The following RUFY1 variants were observed in gnomAD, a reference collection of about 807,000 sequenced individuals.
The protein encoded by RUFY1 is RUN and FYVE domain-containing protein 1.
In RUFY1, 54 loss-of-function variants were observed where a neutral mutation model predicts 94.6. The observed-to-expected ratio is 0.57, with a 90% CI of 0.46 to 0.72. The LOEUF (loss-of-function observed/expected upper bound fraction) is 0.72, where lower values mean the gene tolerates loss of function less well. Ranked by LOEUF, RUFY1 falls within the 30% of genes least tolerant of loss-of-function variation. The pLI is 0.00. For missense variants in RUFY1, 883 were observed against 883.9 expected (o/e 1.00, Z 0.01); for synonymous variants, 396 against 347.3 (o/e 1.14, Z -1.56).
At chr5:179,557,644 C>T (rs940658756) in intron 1 of RUFY1, among the ~76,000 whole-genome samples, 6 of 152,120 alleles carry the variant, frequency 3.9e-5, no homozygotes, top group Non-Finnish European at 8.8e-5. Context: ...AGTTTGGGCT[C>T]ATTTAATTTA....
rs116032042 is a variant in RUFY1, at chr5:179,590,417, C to T, written c.1128+770C>T. On this transcript the variant is annotated intron_variant, in intron 9 of 17. Transcript: ENST00000319449. ...ATTCACTCAGTGCTAAAAACATGTT[C>T]ATAAGTACTGGATGATGAGTTGAAT... Among the ~76,000 whole-genome samples the T allele has an allele frequency of 9.6e-3, 1,454 of 151,822 alleles. 31 individuals are homozygous for T. Among genetic ancestry groups the T allele is most frequent in the African/African-American group, 0.033 (1,377 of 41,416 alleles).
At chr5:179,609,295 G>C (rs1472233828) in intron 17 of RUFY1, 81 bp from the exon 18 acceptor site, 2 of 1,457,782 alleles carry the variant, frequency 1.4e-6, no homozygotes, top group Admixed American at 3.7e-5. Context: ...CAAATGATGC[G>C]CTTCTGGGTC....
chr5:179,607,799 C>T lies in RUFY1; in HGVS notation c.1983+140C>T, dbSNP rs184945093. On this transcript the variant is annotated intron_variant, in intron 17 of 17. Transcript: ENST00000319449. ...TGACTGTGGCAGATGGGCAGCCCCGCCTCTCCTGTTTGCCTGTGCAGATGG... is the reference window on the plus strand; with the variant it reads ...TGACTGTGGCAGATGGGCAGCCCCGTCTCTCCTGTTTGCCTGTGCAGATGG... 31 of 722,704 alleles carry T rather than the reference C, an allele frequency of 4.3e-5. 1 individual carries two copies. The East Asian group carries it at 5.6e-4, about 13-fold the overall frequency. 44.8% of individuals were successfully genotyped at this position (722,704 alleles called of 1,614,324 possible). A position where few individuals can be genotyped will look rare whatever the true frequency, so the allele number is the denominator to read the frequency against.
chr5:179,583,021 A>G (rs557919532), intron 7 of RUFY1, among the ~76,000 whole-genome samples: 139 of 151,890 alleles, frequency 9.2e-4, no homozygotes, highest in African/African-American at 3.3e-3. Flanking sequence ...AATATGAAGC[A>G]GCCAGGTGTG....
At chr5:179,561,340 G>A (rs1762440038) in intron 2 of RUFY1, among the ~76,000 whole-genome samples, 1 of 152,054 alleles carries the variant, frequency 6.6e-6, no homozygotes, top group Admixed American at 6.6e-5. Context: ...GGGAGAGGAG[G>A]GGAGGACATG....
chr5:179,607,167 T>G (rs1278640528), intron 16 of RUFY1: 1 of 231,656 alleles, frequency 4.3e-6, no homozygotes, highest in Non-Finnish European at 8.7e-6. Context: ...TTAGTCTCAC[T>G]CAGATTTGGC....
At chr5:179,562,062 A>G (rs758477593) in intron 2 of RUFY1, among the ~76,000 whole-genome samples, 11 of 151,978 alleles carry the variant, frequency 7.2e-5, no homozygotes, top group Non-Finnish European at 1.3e-4. Context: ...CTCTGTTGCC[A>G]GAGAAAGAGA....
chr5:179,589,458 CA>C (rs1247354421), intron 8 of RUFY1, 87 bp from the exon 9 acceptor site: 11 of 823,716 alleles, frequency 1.3e-5, no homozygotes, highest in Non-Finnish European at 2.3e-5. Context: ...CATACATTGT[CA>C]ACTGTGAAGA....
intron 5 of RUFY1, among the ~76,000 whole-genome samples, chr5:179,570,691 G>A (rs4701133): frequency 0.36 from 54,253 of 151,878 alleles, 9,973 homozygotes; most frequent in Non-Finnish European, 0.38. Flanking sequence ...AAAATTCCCA[G>A]CCTTTTTCCT....
At chr5:179,567,685 A>AG (rs1762931912) in intron 4 of RUFY1, 123 bp downstream of exon 4, 2 of 639,978 alleles carry the variant, frequency 3.1e-6, no homozygotes, top group Non-Finnish European at 5.4e-6. Flanking sequence ...GGATTGCTTG[A>AG]GGTCCGGAGT....
chr5:179,605,367 GTTCAGTCCTGTCTCT>G (rs1373134771), intron 15 of RUFY1, among the ~76,000 whole-genome samples: 1 of 151,898 alleles, frequency 6.6e-6, no homozygotes, highest in Non-Finnish European at 1.5e-5. Flanking sequence ...TTTAGACCAT[GTTCAGTCCTGTCTCT>G]TGTGTAAACA....
intron 13 of RUFY1, among the ~76,000 whole-genome samples, chr5:179,597,876 A>T (rs1210771612): frequency 6.6e-6 from 1 of 152,114 alleles, no homozygotes; most frequent in Admixed American, 6.6e-5. Context: ...CTTCATTGTC[A>T]GTCTGGCTGT....
intron 17 of RUFY1, among the ~76,000 whole-genome samples, chr5:179,608,920 CAAAAAAAAA>C (rs57127812): frequency 8.2e-6 from 1 of 121,796 alleles, no homozygotes; most frequent in Non-Finnish European, 1.7e-5. Context: ...GACAGAGACT[CAAAAAAAAA>C]AAAAAAAGCC....
chr5:179,591,553 T>A (rs758541063), intron 9 of RUFY1, 72 bp from the exon 10 acceptor site: 1 of 932,062 alleles, frequency 1.1e-6, no homozygotes, highest in African/African-American at 1.7e-5. Context: ...TTGTGGTATA[T>A]TTTGAAATAC....
At chr5:179,559,418 A>G (rs180793555) in intron 1 of RUFY1, among the ~76,000 whole-genome samples, 1 of 152,344 alleles carries the variant, frequency 6.6e-6, no homozygotes. Flanking sequence ...GATCGGCAAC[A>G]AGAATTTGAG....
chr5:179,578,818 A>G (rs1763861806), intron 6 of RUFY1, among the ~76,000 whole-genome samples: 1 of 151,660 alleles, frequency 6.6e-6, no homozygotes, highest in African/African-American at 2.4e-5. Flanking sequence ...CTAATTTTGT[A>G]TTTTTAGTGG....
chr5:179,596,765 G>C, intron 13 of RUFY1, 84 bp downstream of exon 13: 1 of 558,554 alleles, frequency 1.8e-6, no homozygotes, highest in Non-Finnish European at 2.4e-6. Context: ...TCCTGCTTCA[G>C]CACGAACGGG....
chr5:179,609,547 C>A lies in RUFY1; in HGVS notation c.*28C>A, dbSNP rs563715183. 2 of 1,571,310 alleles carry A rather than the reference C, an allele frequency of 1.3e-6. No homozygotes were observed. Among genetic ancestry groups the A allele is most frequent in the Non-Finnish European group, 1.7e-6 (2 of 1,163,236 alleles). Reference sequence around the variant, plus strand: ...GTCCGTCCTCAGGAGCACAGCCTCACGGACAGTGCCAAACCCTGTGGGTCT... The same window carrying A: ...GTCCGTCCTCAGGAGCACAGCCTCAAGGACAGTGCCAAACCCTGTGGGTCT... On this transcript the variant is annotated 3_prime_UTR_variant, in exon 18 of 18. Coordinates refer to ENST00000319449, the MANE Select transcript of RUFY1 (RefSeq NM_025158.5).
intron 9 of RUFY1, chr5:179,591,026 G>A (rs1267406225): frequency 1.3e-5 from 2 of 151,612 alleles, no homozygotes; most frequent in African/African-American, 4.9e-5. Context: ...TAGAGACAGG[G>A]TTTCACCATG....
Sources: allele counts gnomAD v4.1 joint callset (sites outside exome capture counted in the v4.1 genomes callset), GRCh38; gene constraint gnomAD v4.1.1; transcripts MANE v1.5; gene names NCBI Gene and HGNC (gene_info 2026-07-23, HGNC 2026-07-21).